ENPP3: variants seen among roughly 807,000 people sequenced by gnomAD.
ENPP3 encodes ectonucleotide pyrophosphatase/phosphodiesterase family member 3.
A neutral mutation model predicts 117.8 loss-of-function variants in ENPP3; 104 were observed. The ratio of observed to expected loss-of-function variants is 0.88; its 90% confidence interval spans 0.75 to 1.04. The LOEUF (loss-of-function observed/expected upper bound fraction) is 1.04, where lower values mean the gene tolerates loss of function less well. Among genes scored for constraint, ENPP3 ranks in the 50% least tolerant of loss-of-function variants. The probability of loss-of-function intolerance (pLI) is 0.00; values close to 1 mark genes in which losing one functional copy is unlikely to be tolerated. For missense variants in ENPP3, 1,026 were observed against 1,051.9 expected, an observed-to-expected ratio of 0.98 and a Z score of 0.34; for synonymous variants, 380 against 349.9, an observed-to-expected ratio of 1.09 and a Z score of -0.96.
chr6:131,708,595 A>G (rs1419261615), intron 15 of ENPP3: 6 of 1,549,656 alleles, frequency 3.9e-6, no homozygotes, highest in Non-Finnish European at 5.2e-6. Flanking sequence ...AAGCAACAAT[A>G]TTGTCAGGTG....
At chr6:131,650,196 A>G (rs1778234084) in intron 3 of ENPP3, 47 bp downstream of exon 3, 1 of 1,600,974 alleles carries the variant, frequency 6.2e-7, no homozygotes, top group African/African-American at 1.3e-5. Flanking sequence ...TTGTGTTACT[A>G]TTAATACATG....
At chr6:131,727,949 A>C (rs1235517174) in intron 20 of ENPP3, among the ~76,000 whole-genome samples, 1 of 152,204 alleles carries the variant, frequency 6.6e-6, no homozygotes, top group Non-Finnish European at 1.5e-5. Context: ...ATTTTTGGAG[A>C]AAGATAAGCA....
At chr6:131,659,007 G>A (rs1322599327) in intron 6 of ENPP3, among the ~76,000 whole-genome samples, 2 of 152,202 alleles carry the variant, frequency 1.3e-5, no homozygotes, top group African/African-American at 4.8e-5. Context: ...TGTACAGGTA[G>A]CATTCAAAAA....
Position 131,738,082 on chromosome 6 carries a change from GAAATGGAGT to G in ENPP3, c.2225_2233del (p.Gly742_Asn744del). The G allele has an allele frequency of 6.2e-7, 1 of 1,605,838 alleles. No individual in the cohort carries two copies. The highest frequency in any genetic ancestry group is 8.5e-7 in the Non-Finnish European group (1 of 1,173,842). ...CTTCTTATAAAACATGCCACAGAAA[GAAATGGAGT>G]AAATGTGGTTAGTGGACCAATATTT... On this transcript the variant is annotated inframe_deletion, in exon 23 of 25. Transcript: ENST00000357639.
At chr6:131,728,768 G>A (rs202039340) in intron 20 of ENPP3, among the ~76,000 whole-genome samples, 4 of 152,142 alleles carry the variant, frequency 2.6e-5, no homozygotes, top group African/African-American at 9.7e-5. Flanking sequence ...TGTAATTTTT[G>A]TTGTATCTCA....
intron 24 of ENPP3, among the ~76,000 whole-genome samples, chr6:131,742,356 C>T (rs185414038): frequency 6.6e-6 from 1 of 152,176 alleles, no homozygotes. Flanking sequence ...TTCGTTATTA[C>T]AGAGGTTCTA....
chr6:131,640,239 TC>T (rs1290532225), intron 1 of ENPP3, among the ~76,000 whole-genome samples: 1 of 152,156 alleles, frequency 6.6e-6, no homozygotes, highest in African/African-American at 2.4e-5. Context: ...CAGAAGGAGT[TC>T]CCCAACGTTG....
intron 2 of ENPP3, among the ~76,000 whole-genome samples, chr6:131,646,060 TA>T (rs1778146610): frequency 6.6e-6 from 1 of 152,220 alleles, no homozygotes; most frequent in Non-Finnish European, 1.5e-5. Context: ...CTTGGTCATG[TA>T]AGACAACAGA....
intron 20 of ENPP3, among the ~76,000 whole-genome samples, chr6:131,728,544 T>C (rs2114547591): frequency 6.6e-6 from 1 of 152,356 alleles, no homozygotes; most frequent in Middle Eastern, 3.4e-3. Context: ...TCTAGCAATT[T>C]TCTGCTTTCT....
At chr6:131,703,721 G>T (rs1779586176) in intron 15 of ENPP3, among the ~76,000 whole-genome samples, 1 of 151,470 alleles carries the variant, frequency 6.6e-6, no homozygotes, top group South Asian at 2.1e-4. Flanking sequence ...TACTGATGGT[G>T]CTGGGAACTC....
intron 2 of ENPP3, among the ~76,000 whole-genome samples, chr6:131,644,429 T>A (rs1314344291): frequency 1.3e-5 from 2 of 152,184 alleles, no homozygotes; most frequent in Non-Finnish European, 2.9e-5. Context: ...GGCAGTAGCA[T>A]TGTAGCTGGT....
Position 131,639,266 on chromosome 6 carries a change from T to TATATATA in ENPP3, c.78+1804_78+1805insATATATA, listed in dbSNP as rs1454993724. Among the ~76,000 whole-genome samples the TATATATA allele has an allele frequency of 8.4e-4, 51 of 60,496 alleles. 1 individual carries two copies. The highest frequency in any genetic ancestry group is 4.7e-3 in the African/African-American group (45 of 9,540). The allele number at this position is 60,496 out of a possible 152,430, so 39.7% of individuals were successfully genotyped here. ...ATGCTAATATATATATATATATATA[T>TATATATA]TTTTTTTTTTTTCTCTCTCTCTTTT... is the stretch of plus-strand genomic sequence containing the variant. On this transcript the variant is annotated intron_variant, in intron 1 of 24. Coordinates refer to ENST00000357639, the MANE Select transcript of ENPP3 (RefSeq NM_005021.5).
intron 2 of ENPP3, chr6:131,642,713 G>A (rs1392873655): frequency 1.3e-5 from 2 of 152,146 alleles, no homozygotes; most frequent in East Asian, 3.9e-4. Flanking sequence ...CTGGTATACA[G>A]GCATGCACTA....
intron 16 of ENPP3, among the ~76,000 whole-genome samples, 176 bp downstream of exon 16, chr6:131,718,914 C>T (rs1363111363): frequency 6.6e-6 from 1 of 152,034 alleles, no homozygotes; most frequent in African/African-American, 2.4e-5. Flanking sequence ...TATTGCACAC[C>T]TATTTTATTA....
At chr6:131,710,059 T>C (rs1174824024) in intron 15 of ENPP3, 2 of 1,613,130 alleles carry the variant, frequency 1.2e-6, no homozygotes, top group East Asian at 2.2e-5. Flanking sequence ...CTTAGCAGCA[T>C]GAATCAGTTT....
chr6:131,735,390 T>A (rs978982114), intron 21 of ENPP3, among the ~76,000 whole-genome samples: 1 of 152,080 alleles, frequency 6.6e-6, no homozygotes, highest in Admixed American at 6.5e-5. Flanking sequence ...ACAAACACCA[T>A]ATGAAATCTG....
At chr6:131,689,183 A>G (rs1269323019) in intron 14 of ENPP3, among the ~76,000 whole-genome samples, 1 of 152,244 alleles carries the variant, frequency 6.6e-6, no homozygotes, top group Non-Finnish European at 1.5e-5. Flanking sequence ...GATCTAGCTA[A>G]GATCATTGAT....
chr6:131,720,699 A>G (rs1374217853), intron 17 of ENPP3, among the ~76,000 whole-genome samples: 1 of 152,122 alleles, frequency 6.6e-6, no homozygotes, highest in Non-Finnish European at 1.5e-5. Context: ...CTCCTGTCTC[A>G]GCTTCCCAAG....
chr6:131,692,321 T>C (rs959334262), intron 14 of ENPP3, among the ~76,000 whole-genome samples: 7 of 152,080 alleles, frequency 4.6e-5, no homozygotes, highest in African/African-American at 1.4e-4. Context: ...TTTCTACAAT[T>C]TTAAAATATG....
Sources: gnomAD v4.1 joint callset for allele counts (sites outside exome capture counted in the v4.1 genomes callset) on GRCh38, gnomAD v4.1.1 for gene constraint, MANE v1.5 for transcripts, NCBI Gene and HGNC (gene_info 2026-07-23, HGNC 2026-07-21) for gene names.